ZNF536: variants seen among roughly 807,000 people sequenced by gnomAD.
ZNF536 encodes the protein zinc finger protein 536.
A neutral mutation model predicts 84.5 loss-of-function variants in ZNF536; 13 were observed. The ratio of observed to expected loss-of-function variants is 0.15; its 90% CI spans 0.10 to 0.24. ZNF536 has a LOEUF of 0.24. Among genes scored for constraint, ZNF536 ranks in the 10% least tolerant of loss-of-function variants. The pLI, the probability that ZNF536 is intolerant of heterozygous loss-of-function variation, is 1.00. For synonymous variants in ZNF536, 811 were observed against 742.5 expected (o/e 1.09, Z -1.50); for missense variants, 1,536 against 1,747.5 (o/e 0.88, Z 2.16).
chr19:30,569,953 T>C (rs895331817), intron 1 of ZNF536, among the ~76,000 whole-genome samples: 11 of 152,128 alleles, frequency 7.2e-5, no homozygotes, highest in African/African-American at 2.7e-4. Flanking sequence ...CTAGGGGCAA[T>C]GTTCTCCCCT....
intron 2 of ZNF536, among the ~76,000 whole-genome samples, chr19:30,339,966 A>G (rs1267162848): frequency 6.6e-6 from 1 of 152,056 alleles, no homozygotes; most frequent in Admixed American, 6.5e-5. Flanking sequence ...ACCCTCCTCA[A>G]GGAGGACCAG....
At chr19:30,232,073 A>G (rs1384199828) in intron 1 of ZNF536, among the ~76,000 whole-genome samples, 2 of 151,190 alleles carry the variant, frequency 1.3e-5, no homozygotes, top group African/African-American at 2.4e-5. Context: ...TTTTTTTCCC[A>G]AAAGAAGGCA....
At chr19:30,439,710 C>G (rs76961097) in intron 1 of ZNF536, among the ~76,000 whole-genome samples, 20 of 152,164 alleles carry the variant, frequency 1.3e-4, no homozygotes, top group African/African-American at 4.8e-4. Flanking sequence ...GGCTGGGGAC[C>G]AGTATCCTGG....
intron 2 of ZNF536, among the ~76,000 whole-genome samples, chr19:30,303,887 C>T (rs368578783): frequency 2.0e-5 from 3 of 152,300 alleles, no homozygotes; most frequent in Non-Finnish European, 2.9e-5. Flanking sequence ...CCAGCATCCA[C>T]GACTCTGCCT....
intron 2 of ZNF536, among the ~76,000 whole-genome samples, chr19:30,326,791 C>CTTTTTTT (rs869076590): frequency 0.081 from 4,055 of 50,332 alleles, 737 homozygotes; most frequent in Middle Eastern, 0.12. Context: ...TTATAAAAAG[C>CTTTTTTT]TTTTTTTTTT....
intron 1 of ZNF536, among the ~76,000 whole-genome samples, chr19:30,615,225 G>A (rs957929818): frequency 3.3e-5 from 5 of 150,446 alleles, no homozygotes; most frequent in African/African-American, 5.0e-5. Flanking sequence ...GATTACAGGC[G>A]TGAGCCACCG....
At chr19:30,516,106 A>G (rs1334668647) in intron 2 of ZNF536, among the ~76,000 whole-genome samples, 1 of 152,116 alleles carries the variant, frequency 6.6e-6, no homozygotes, top group Non-Finnish European at 1.5e-5. Flanking sequence ...AGAATCCTAC[A>G]TAGGCCCAGA....
rs1183089007 is a variant in ZNF536 at position 30,297,911 on chromosome 19, C to CCG, written c.-120+13771_-120+13772insGC. On this transcript the variant is annotated intron_variant, in intron 2 of 5. Coordinates refer to the ZNF536 transcript ENST00000585628. ...TTTTTCTCAAGACGGAGTCCCCCCCCCCTCTGTCGCCCAGGCTGGAGTGCA... is the reference window on the plus strand; with the variant it reads ...TTTTTCTCAAGACGGAGTCCCCCCCCCGCCTCTGTCGCCCAGGCTGGAGTGCA... Among the ~76,000 whole-genome samples, 83 of 145,432 alleles carry CCG rather than the reference C, an allele frequency of 5.7e-4. 2 individuals carry two copies. In the East Asian group the frequency reaches 0.014, roughly 25 times the overall value.
intron 1 of ZNF536, among the ~76,000 whole-genome samples, chr19:30,378,433 T>C (rs1400719488): frequency 6.6e-6 from 1 of 152,214 alleles, no homozygotes; most frequent in Non-Finnish European, 1.5e-5. Flanking sequence ...AGTAATGGGA[T>C]TACGGATGTG....
intron 3 of ZNF536, among the ~76,000 whole-genome samples, chr19:30,363,107 CTT>C (rs2048326010): frequency 6.6e-6 from 1 of 151,880 alleles, no homozygotes; most frequent in Non-Finnish European, 1.5e-5. Context: ...TAAGGAAAAA[CTT>C]TGACGTGGCT....
intron 2 of ZNF536, among the ~76,000 whole-genome samples, chr19:30,333,343 C>T (rs953638288): frequency 3.3e-5 from 5 of 152,276 alleles, no homozygotes; most frequent in Middle Eastern, 3.4e-3. Context: ...AAGGGAGCAC[C>T]ACCTGATTCT....
At chr19:30,274,289 G>T (rs2026007811) in intron 1 of ZNF536, among the ~76,000 whole-genome samples, 1 of 152,200 alleles carries the variant, frequency 6.6e-6, no homozygotes, top group African/African-American at 2.4e-5. Flanking sequence ...ATTTTGCTAA[G>T]CTCAGAATCT....
intron 2 of ZNF536, among the ~76,000 whole-genome samples, chr19:30,499,513 T>C (rs1400660549): frequency 6.6e-6 from 1 of 152,248 alleles, no homozygotes; most frequent in South Asian, 2.1e-4. Flanking sequence ...TCTGTCTATG[T>C]ATCCATATAG....
chr19:30,539,577 G>A (rs1470308141), intron 3 of ZNF536, among the ~76,000 whole-genome samples: 3 of 152,182 alleles, frequency 2.0e-5, no homozygotes, highest in Admixed American at 1.3e-4. Flanking sequence ...ACATGCAATG[G>A]GGAGGGCGCA....
intron 2 of ZNF536, among the ~76,000 whole-genome samples, chr19:30,465,640 T>TTA (rs2053352868): frequency 1.3e-5 from 2 of 152,204 alleles, no homozygotes; most frequent in African/African-American, 2.4e-5. Context: ...CCTGGAATCC[T>TTA]GGTGCTTTGG....
intron 1 of ZNF536, among the ~76,000 whole-genome samples, chr19:30,623,253 A>G (rs1317574761): frequency 1.3e-5 from 2 of 152,124 alleles, no homozygotes; most frequent in Non-Finnish European, 2.9e-5. Context: ...TAGACCAGGA[A>G]CAGCCCTTAT....
At chr19:30,435,200 A>C (rs1054572920) in intron 1 of ZNF536, among the ~76,000 whole-genome samples, 3 of 150,232 alleles carry the variant, frequency 2.0e-5, no homozygotes, top group African/African-American at 7.4e-5. Flanking sequence ...GATGATGCTG[A>C]TGATGGTGAT....
At chr19:30,553,611 A>G (rs901296481) in intron 4 of ZNF536, among the ~76,000 whole-genome samples, 2 of 152,222 alleles carry the variant, frequency 1.3e-5, no homozygotes, top group Admixed American at 6.5e-5. Context: ...CTTTGCCCCA[A>G]GGAGCTCTGC....
chr19:30,280,372 C>T (rs954549453), intron 1 of ZNF536, among the ~76,000 whole-genome samples: 2 of 152,126 alleles, frequency 1.3e-5, no homozygotes, highest in Non-Finnish European at 2.9e-5. Flanking sequence ...CCCGTCTGTT[C>T]TCCTTCCATC....
Sources: allele counts gnomAD v4.1 joint callset (sites outside exome capture counted in the v4.1 genomes callset), GRCh38; gene constraint gnomAD v4.1.1; transcripts MANE v1.5; gene names NCBI Gene and HGNC (gene_info 2026-07-23, HGNC 2026-07-21).